The following MIPOL1 variants were observed in gnomAD, a reference collection of about 807,000 sequenced individuals.
MIPOL1 encodes mirror-image polydactyly gene 1 protein.
MIPOL1 carries 57 observed loss-of-function variants against 60.9 expected under a neutral mutation model. The ratio of observed to expected loss-of-function variants is 0.94; its 90% CI spans 0.76 to 1.17. The LOEUF is 1.17. Ranked by LOEUF, MIPOL1 falls within the 50% of genes most tolerant of loss-of-function variation. The pLI, the probability that MIPOL1 is intolerant of heterozygous loss-of-function variation, is 0.00. For synonymous variants in MIPOL1, 179 were observed against 168.8 expected, an observed-to-expected ratio of 1.06 and a Z score of -0.47; for missense variants, 551 against 511.6, an observed-to-expected ratio of 1.08 and a Z score of -0.74.
chr14:37,419,518 T>C (rs1405764277), intron 10 of MIPOL1, among the ~76,000 whole-genome samples: 4 of 152,204 alleles, frequency 2.6e-5, no homozygotes, highest in African/African-American at 9.6e-5. Flanking sequence ...AAAATCCATA[T>C]GTGTACTTAC....
At chr14:37,413,851 T>TCAAGG (rs1444289010) in intron 10 of MIPOL1, among the ~76,000 whole-genome samples, 2 of 152,142 alleles carry the variant, frequency 1.3e-5, no homozygotes, top group Non-Finnish European at 1.5e-5. Flanking sequence ...ACGTAGTGCC[T>TCAAGG]CAAGGCTACG....
intron 9 of MIPOL1, among the ~76,000 whole-genome samples, chr14:37,355,640 G>A (rs1391676375): frequency 9.8e-5 from 11 of 112,532 alleles, no homozygotes; most frequent in African/African-American, 2.6e-4. Flanking sequence ...TTCCCTTCTC[G>A]CTTCATTTCA....
At chr14:37,307,031 G>A (rs1320639474) in intron 7 of MIPOL1, among the ~76,000 whole-genome samples, 3 of 151,662 alleles carry the variant, frequency 2.0e-5, no homozygotes, top group African/African-American at 7.2e-5. Context: ...AGTTCTAAAA[G>A]TACTACTTTT....
intron 1 of MIPOL1, among the ~76,000 whole-genome samples, chr14:37,213,088 C>T (rs564693657): frequency 6.6e-6 from 1 of 152,192 alleles, no homozygotes; most frequent in African/African-American, 2.4e-5. Context: ...GAAAGCCTTC[C>T]CAAGAAGGAC....
At chr14:37,428,236 A>G (rs1001053738) in intron 11 of MIPOL1, among the ~76,000 whole-genome samples, 12 of 152,196 alleles carry the variant, frequency 7.9e-5, no homozygotes, top group African/African-American at 2.7e-4. Context: ...AGGATGTATG[A>G]TCAGCTCTTC....
intron 7 of MIPOL1, among the ~76,000 whole-genome samples, chr14:37,295,892 C>A (rs990363546): frequency 6.6e-6 from 1 of 152,058 alleles, no homozygotes; most frequent in Non-Finnish European, 1.5e-5. Context: ...TTAGACAGAT[C>A]AACGAGACAG....
At chr14:37,268,091 G>C (rs964402253) in intron 4 of MIPOL1, among the ~76,000 whole-genome samples, 16 of 152,078 alleles carry the variant, frequency 1.1e-4, no homozygotes, top group African/African-American at 3.9e-4. Flanking sequence ...AAGTTTCAGT[G>C]ACTAATATAT....
At chr14:37,216,804 A>G (rs1253698126) in intron 1 of MIPOL1, among the ~76,000 whole-genome samples, 1 of 152,216 alleles carries the variant, frequency 6.6e-6, no homozygotes, top group Non-Finnish European at 1.5e-5. Context: ...AGGGAATTTT[A>G]TAACTATAGG....
intron 12 of MIPOL1, among the ~76,000 whole-genome samples, chr14:37,535,932 G>T (rs1329604290): frequency 6.6e-6 from 1 of 151,252 alleles, no homozygotes; most frequent in Non-Finnish European, 1.5e-5. Flanking sequence ...ACAGGATCTT[G>T]CTCTGTTACC....
At chr14:37,538,862 C>T (rs2153639600) in intron 12 of MIPOL1, among the ~76,000 whole-genome samples, 1 of 152,272 alleles carries the variant, frequency 6.6e-6, no homozygotes, top group South Asian at 2.1e-4. Flanking sequence ...GCACATGCCA[C>T]CCAGCCCCAG....
intron 10 of MIPOL1, among the ~76,000 whole-genome samples, chr14:37,377,317 G>T (rs1441466936): frequency 6.6e-6 from 1 of 152,164 alleles, no homozygotes; most frequent in Non-Finnish European, 1.5e-5. Context: ...AAAAGTTTTT[G>T]TTTTCCTTAG....
intron 1 of MIPOL1, among the ~76,000 whole-genome samples, chr14:37,215,963 C>G (rs555900866): frequency 7.3e-5 from 11 of 150,798 alleles, no homozygotes; most frequent in African/African-American, 1.9e-4. Context: ...AGCTACCCAG[C>G]TGAGGCAGAA....
intron 11 of MIPOL1, among the ~76,000 whole-genome samples, chr14:37,462,130 C>T (rs1337603900): frequency 1.3e-5 from 2 of 152,214 alleles, no homozygotes; most frequent in African/African-American, 4.8e-5. Flanking sequence ...CAGGCATTTC[C>T]ATACATCTTC....
At chr14:37,481,331 A>T (rs925905254) in intron 11 of MIPOL1, among the ~76,000 whole-genome samples, 3 of 152,092 alleles carry the variant, frequency 2.0e-5, no homozygotes, top group African/African-American at 7.2e-5. Flanking sequence ...GAGATGTAAG[A>T]CCTGCACAAT....
rs185457594 is a variant in MIPOL1 at position 37,412,833 on chromosome 14, A to T, written c.937-10022A>T. Among the ~76,000 whole-genome samples, 338 of 152,264 alleles carry T rather than the reference A, an allele frequency of 2.2e-3. 1 individual carries two copies. Among genetic ancestry groups the T allele is most frequent in the African/African-American group, 6.8e-3 (283 of 41,570 alleles). ...ATTCATGTAAAATAAAATAAAATTT[A>T]AAAAATATTACTAAGGATTTAGCAG... is the stretch of plus-strand genomic sequence containing the variant. On this transcript the variant is annotated intron_variant, in intron 10 of 12. Coordinates refer to ENST00000684589, the MANE Select transcript of MIPOL1 (RefSeq NM_001388067.1).
intron 10 of MIPOL1, among the ~76,000 whole-genome samples, chr14:37,408,693 A>G (rs2093632990): frequency 6.6e-6 from 1 of 152,130 alleles, no homozygotes; most frequent in African/African-American, 2.4e-5. Flanking sequence ...TAATCTACCA[A>G]ATGTGAGAAT....
chr14:37,371,084 G>C (rs1466573274), intron 10 of MIPOL1, among the ~76,000 whole-genome samples: 1 of 151,808 alleles, frequency 6.6e-6, no homozygotes, highest in Non-Finnish European at 1.5e-5. Context: ...TGAAATGATA[G>C]CTGCTATTTA....
chr14:37,285,219 C>T, intron 6 of MIPOL1, 99 bp from the exon 7 acceptor site: 1 of 1,250,798 alleles, frequency 8.0e-7, no homozygotes, highest in Non-Finnish European at 1.1e-6. Flanking sequence ...ATTGAGTAGT[C>T]CTTACAGTAA....
chr14:37,217,398 G>A (rs974386413), intron 1 of MIPOL1, among the ~76,000 whole-genome samples: 1 of 152,082 alleles, frequency 6.6e-6, no homozygotes, highest in Non-Finnish European at 1.5e-5. Flanking sequence ...CATTCTCTGA[G>A]GTCGTAATTA....
Sources: allele counts gnomAD v4.1 joint callset (sites outside exome capture counted in the v4.1 genomes callset), GRCh38; gene constraint gnomAD v4.1.1; transcripts MANE v1.5; gene names NCBI Gene and HGNC (gene_info 2026-07-23, HGNC 2026-07-21).